TRPM3: variants seen among roughly 807,000 people sequenced by gnomAD.
The protein encoded by TRPM3 is long transient receptor potential channel 3.
A neutral mutation model predicts 181.2 loss-of-function variants in TRPM3; 77 were observed. The ratio of observed to expected loss-of-function variants is 0.42; its 90% CI spans 0.35 to 0.51. The LOEUF (loss-of-function observed/expected upper bound fraction) is 0.51. Among genes scored for constraint, TRPM3 ranks in the 20% least tolerant of loss-of-function variants. The pLI is 0.01. For missense variants in TRPM3, 1,759 were observed against 2,196.7 expected (o/e 0.80, Z 3.98); for synonymous variants, 745 against 796.4 (o/e 0.94, Z 1.09).
intron 1 of TRPM3, among the ~76,000 whole-genome samples, chr9:71,380,957 C>A (rs1333557382): frequency 1.3e-5 from 2 of 151,502 alleles, no homozygotes; most frequent in Non-Finnish European, 2.9e-5. Context: ...AAGACGACGA[C>A]AAAATGAAGA....
At chr9:70,802,435 C>G (rs1328152) in intron 6 of TRPM3, among the ~76,000 whole-genome samples, 116,245 of 152,176 alleles carry the variant, frequency 0.76, 44,804 homozygotes, top group South Asian at 0.83. Flanking sequence ...TTGCAATAAA[C>G]CTTTACTTAC....
intron 1 of TRPM3, among the ~76,000 whole-genome samples, chr9:71,371,228 A>G (rs1460364501): frequency 6.6e-6 from 1 of 152,152 alleles, no homozygotes; most frequent in African/African-American, 2.4e-5. Context: ...TCACTTTCAA[A>G]TCTTATTATT....
chr9:70,930,300 T>A (rs112179319), intron 1 of TRPM3, among the ~76,000 whole-genome samples: 1 of 152,190 alleles, frequency 6.6e-6, no homozygotes, highest in Admixed American at 6.5e-5. Context: ...TTTTTCACAA[T>A]AGTAATTCAG....
At chr9:71,066,268 C>G (rs987050652) in intron 1 of TRPM3, among the ~76,000 whole-genome samples, 1 of 152,092 alleles carries the variant, frequency 6.6e-6, no homozygotes, top group Non-Finnish European at 1.5e-5. Context: ...ACTTAGTGAC[C>G]TTTATTATTC....
At chr9:71,043,556 C>A (rs2133008385) in intron 1 of TRPM3, among the ~76,000 whole-genome samples, 1 of 152,300 alleles carries the variant, frequency 6.6e-6, no homozygotes, top group East Asian at 1.9e-4. Context: ...TTTGGACTTT[C>A]CTCCATTTGC....
intron 1 of TRPM3, among the ~76,000 whole-genome samples, chr9:70,887,448 C>T (rs1193422120): frequency 7.2e-5 from 11 of 152,056 alleles, no homozygotes; most frequent in African/African-American, 2.7e-4. Context: ...AAAATAATTT[C>T]TCCATTTTAA....
rs2040888831 is a variant in TRPM3, at chr9:70,531,640, C to A, written c.*4313G>T. 6.6e-6 allele frequency: 1 copy of A among 152,146 alleles called. No homozygotes were observed. The highest frequency in any genetic ancestry group is 2.4e-5 in the African/African-American group (1 of 41,442). The allele number at this position is 152,146 out of a possible 1,614,324, so 9.4% of individuals were successfully genotyped here. Reference sequence around the variant, plus strand: ...TTTATCTAGAAACAACATAGTGTTACTAAATGAACATATTTATAAAATACT... The same window carrying A: ...TTTATCTAGAAACAACATAGTGTTAATAAATGAACATATTTATAAAATACT... On this transcript the variant is annotated 3_prime_UTR_variant, in exon 26 of 26. Coordinates refer to ENST00000677713, the MANE Select transcript of TRPM3 (RefSeq NM_001366145.2).
chr9:71,038,103 A>G (rs1361155810), intron 1 of TRPM3, among the ~76,000 whole-genome samples: 1 of 152,246 alleles, frequency 6.6e-6, no homozygotes, highest in Non-Finnish European at 1.5e-5. Context: ...GGAGTGACAG[A>G]GTCTAAAGTG....
chr9:71,086,464 C>T (rs776453060), intron 1 of TRPM3, among the ~76,000 whole-genome samples: 1 of 151,866 alleles, frequency 6.6e-6, no homozygotes, highest in Non-Finnish European at 1.5e-5. Flanking sequence ...AAATTCATTG[C>T]TTAGATTTAG....
At chr9:70,609,011 G>A (rs940361544) in intron 19 of TRPM3, among the ~76,000 whole-genome samples, 20 of 152,156 alleles carry the variant, frequency 1.3e-4, no homozygotes, top group Non-Finnish European at 2.6e-4. Context: ...GCTGGGCAAC[G>A]TGAATAGCCT....
intron 1 of TRPM3, among the ~76,000 whole-genome samples, chr9:70,986,238 A>T (rs1416469106): frequency 1.3e-5 from 2 of 152,064 alleles, no homozygotes; most frequent in African/African-American, 4.8e-5. Context: ...GTGGTGCAAG[A>T]CTGCTGCCCT....
At chr9:71,359,758 G>A (rs11142810) in intron 1 of TRPM3, among the ~76,000 whole-genome samples, 67,977 of 151,870 alleles carry the variant, frequency 0.45, 15,298 homozygotes, top group South Asian at 0.53. Context: ...CAAATTCTGG[G>A]TGTCCCATCT....
Position 70,843,068 on chromosome 9 carries a change from T to A in TRPM3, c.736A>T (p.Ile246Leu). Residue 246 changes from isoleucine (I) to leucine (L), a missense_variant, in exon 5 of 26, where the codon ATA becomes TTA. Coordinates refer to ENST00000677713, the MANE Select transcript of TRPM3 (RefSeq NM_001366145.2). Reference protein sequence around the residue: ...KDHASKSRGKICTIGIAPWGI... With the variant: ...KDHASKSRGKLCTIGIAPWGI... ...CAGGGGGCAATACCTATGGTGCATA[T>A]CTTTCCTCGAGACTTAGAGGCATGA... 1 of 1,613,652 alleles carries A rather than the reference T, an allele frequency of 6.2e-7. No individual in the cohort carries two copies. The highest frequency in any genetic ancestry group is 8.5e-7 in the Non-Finnish European group (1 of 1,179,824).
intron 9 of TRPM3, among the ~76,000 whole-genome samples, chr9:70,674,797 C>T (rs1181944312): frequency 2.1e-5 from 3 of 146,118 alleles, no homozygotes; most frequent in Non-Finnish European, 3.0e-5. Context: ...AACTCCCAGG[C>T]TCAAGCAGTC....
chr9:70,844,304 T>TTAAAAAGCAAA (rs2094848077), intron 4 of TRPM3, among the ~76,000 whole-genome samples: 1 of 152,216 alleles, frequency 6.6e-6, no homozygotes, highest in South Asian at 2.1e-4. Context: ...GAATCACTGT[T>TTAAAAAGCAAA]TAAAAAGCAA....
In TRPM3 at chr9:71,204,991, C is replaced by A. The variant is rs1160479584; in HGVS notation, c.183+241662G>T. 2.6e-5 allele frequency among the ~76,000 whole-genome samples: 4 copies of A among 151,968 alleles called. No homozygotes were observed. The East Asian group carries it at 7.7e-4, about 29-fold the overall frequency. ...AAAAACCAAACACGGCATGTTCTCA[C>A]TCATAGATGGGAATTGAACAATGAG... On this transcript the variant is annotated intron_variant, in intron 1 of 24. Transcript: ENST00000357533.
intron 1 of TRPM3, among the ~76,000 whole-genome samples, chr9:70,963,902 G>A (rs2097161514): frequency 6.6e-6 from 1 of 151,800 alleles, no homozygotes; most frequent in African/African-American, 2.4e-5. Flanking sequence ...AACTAATAAA[G>A]GCCAATTATA....
At chr9:71,069,696 C>T (rs1565124387) in intron 1 of TRPM3, among the ~76,000 whole-genome samples, 2 of 150,814 alleles carry the variant, frequency 1.3e-5, no homozygotes, top group Admixed American at 6.6e-5. Context: ...ACAACCTCTG[C>T]CTCCCAGGTT....
chr9:71,423,671 G>A (rs2093815783), intron 1 of TRPM3, among the ~76,000 whole-genome samples: 1 of 151,974 alleles, frequency 6.6e-6, no homozygotes, highest in Non-Finnish European at 1.5e-5. Flanking sequence ...ATTTAAGATG[G>A]ATATATATAC....
Sources: allele counts gnomAD v4.1 joint callset (sites outside exome capture counted in the v4.1 genomes callset), GRCh38; gene constraint gnomAD v4.1.1; transcripts MANE v1.5; gene names NCBI Gene and HGNC (gene_info 2026-07-23, HGNC 2026-07-21).